The following VEGFC variants were observed in gnomAD, a reference collection of about 807,000 sequenced individuals.
VEGFC encodes vascular endothelial growth factor C.
VEGFC carries 12 observed loss-of-function variants against 46.1 expected under a neutral mutation model. The ratio of observed to expected loss-of-function variants is 0.26; its 90% confidence interval spans 0.17 to 0.42. The LOEUF is 0.42. Ranked by LOEUF, VEGFC falls within the 10% of genes least tolerant of loss-of-function variation. The pLI is 1.00. For synonymous variants in VEGFC, 232 were observed against 195.5 expected (o/e 1.19, Z -1.56); for missense variants, 488 against 529.4 (o/e 0.92, Z 0.77).
chr4:176,683,846 C>A lies in VEGFC; in HGVS notation c.*80G>T. ...TTTGTTAGCATGGACCCACAAGGGT[C>A]TCTCTGTTCACAGACAGTTCTACTG... On this transcript the variant is annotated 3_prime_UTR_variant, in exon 7 of 7. Coordinates refer to ENST00000618562, the MANE Select transcript of VEGFC (RefSeq NM_005429.5). The A allele has an allele frequency of 8.6e-7, 1 of 1,160,572 alleles. No individual in the cohort carries two copies. The highest frequency in any genetic ancestry group is 2.4e-5 in the East Asian group (1 of 42,500). The allele number at this position is 1,160,572 out of a possible 1,614,324, so 71.9% of individuals were successfully genotyped here.
intron 1 of VEGFC, among the ~76,000 whole-genome samples, chr4:176,752,430 C>G (rs1436377615): frequency 6.6e-6 from 1 of 152,032 alleles, no homozygotes; most frequent in East Asian, 1.9e-4. Context: ...ACTTTTGACT[C>G]CAAACGTTCT....
In VEGFC at chr4:176,683,885, T is replaced by A; in HGVS notation, c.*41A>T. On this transcript the variant is annotated 3_prime_UTR_variant, in exon 7 of 7. Coordinates refer to ENST00000618562, the MANE Select transcript of VEGFC (RefSeq NM_005429.5). The stretch of plus-strand genomic sequence containing the variant: ...ACAGTTCTACTGTGGCAACACAGTT[T>A]TCCATAATAGAAAATCGATGAACTG... 1.3e-6 allele frequency: 2 copies of A among 1,544,862 alleles called. No homozygotes were observed. Among genetic ancestry groups the A allele is most frequent in the Non-Finnish European group, 1.8e-6 (2 of 1,116,876 alleles).
chr4:176,686,147 T>A (rs1734038169), intron 6 of VEGFC, among the ~76,000 whole-genome samples: 1 of 152,152 alleles, frequency 6.6e-6, no homozygotes, highest in African/African-American at 2.4e-5. Flanking sequence ...AAGTACAATG[T>A]CATGTCATAG....
At chr4:176,698,622 A>G (rs1252848083) in intron 4 of VEGFC, among the ~76,000 whole-genome samples, 1 of 152,070 alleles carries the variant, frequency 6.6e-6, no homozygotes, top group Non-Finnish European at 1.5e-5. Flanking sequence ...TGAGAATACT[A>G]TTGAGTAGAG....
chr4:176,689,386 A>G (rs1734107029), intron 4 of VEGFC: 1 of 152,202 alleles, frequency 6.6e-6, no homozygotes, highest in African/African-American at 2.4e-5. Context: ...AAAAACAAGC[A>G]AATCTGCATT....
At chr4:176,766,118 GA>G (rs1362805149) in intron 1 of VEGFC, among the ~76,000 whole-genome samples, 1 of 151,934 alleles carries the variant, frequency 6.6e-6, no homozygotes. Context: ...TACACAAAAA[GA>G]AAAACTTAAA....
At chr4:176,746,792 A>G (rs998389281) in intron 1 of VEGFC, among the ~76,000 whole-genome samples, 1 of 152,102 alleles carries the variant, frequency 6.6e-6, no homozygotes, top group East Asian at 1.9e-4. Flanking sequence ...AACCCCTACT[A>G]AAATTCCAAG....
intron 3 of VEGFC, among the ~76,000 whole-genome samples, chr4:176,717,355 A>T (rs1203051371): frequency 6.6e-6 from 1 of 152,164 alleles, no homozygotes; most frequent in Non-Finnish European, 1.5e-5. Context: ...TTTCCAACTG[A>T]GAGGTTCCCA....
chr4:176,690,032 TGATCTTAAGCAAGA>T (rs1331021000), intron 4 of VEGFC, among the ~76,000 whole-genome samples: 1 of 152,184 alleles, frequency 6.6e-6, no homozygotes, highest in Non-Finnish European at 1.5e-5. Flanking sequence ...AATAGATTAC[TGATCTTAAGCAAGA>T]GATTCCTGCA....
intron 3 of VEGFC, among the ~76,000 whole-genome samples, chr4:176,722,030 AT>A (rs1734795185): frequency 6.6e-6 from 1 of 152,184 alleles, no homozygotes; most frequent in African/African-American, 2.4e-5. Flanking sequence ...AAATGACAAA[AT>A]AAAAACTAAT....
intron 1 of VEGFC, among the ~76,000 whole-genome samples, chr4:176,757,455 G>A (rs1368520077): frequency 6.6e-6 from 1 of 151,948 alleles, no homozygotes; most frequent in Non-Finnish European, 1.5e-5. Context: ...ACTATAATGG[G>A]TAATTTGATC....
chr4:176,711,365 T>C, intron 4 of VEGFC, 134 bp downstream of exon 4: 2 of 1,031,574 alleles, frequency 1.9e-6, no homozygotes, highest in South Asian at 2.7e-5. Flanking sequence ...TACAAAATTT[T>C]GTCTTTGTTT....
intron 1 of VEGFC, among the ~76,000 whole-genome samples, chr4:176,771,121 G>A (rs1321110598): frequency 1.3e-5 from 2 of 152,076 alleles, no homozygotes; most frequent in Non-Finnish European, 2.9e-5. Flanking sequence ...TGCTAGTACA[G>A]CTTTTCTAAA....
At chr4:176,728,459 C>G (rs192640727) in intron 2 of VEGFC, among the ~76,000 whole-genome samples, 1 of 152,220 alleles carries the variant, frequency 6.6e-6, no homozygotes, top group East Asian at 1.9e-4. Context: ...CCTTTTCAGG[C>G]GGACTATTTG....
chr4:176,733,671 T>A (rs572493920), intron 1 of VEGFC, among the ~76,000 whole-genome samples: 5 of 151,788 alleles, frequency 3.3e-5, no homozygotes, highest in African/African-American at 9.7e-5. Flanking sequence ...GTATCTTGAC[T>A]GTGGGGATGG....
At chr4:176,790,814 G>A (rs1004759754) in intron 1 of VEGFC, among the ~76,000 whole-genome samples, 1 of 152,144 alleles carries the variant, frequency 6.6e-6, no homozygotes, top group Non-Finnish European at 1.5e-5. Context: ...TTACATTTCT[G>A]CGGTATTTAA....
At chr4:176,774,829 CA>C (rs574057492) in intron 1 of VEGFC, among the ~76,000 whole-genome samples, 13,652 of 130,002 alleles carry the variant, frequency 0.11, 1,351 homozygotes, top group African/African-American at 0.27. Context: ...AAAAAGAATG[CA>C]AAAAAAAAAA....
intron 1 of VEGFC, among the ~76,000 whole-genome samples, chr4:176,763,508 C>T (rs945020803): frequency 2.0e-5 from 3 of 152,058 alleles, no homozygotes; most frequent in Non-Finnish European, 4.4e-5. Flanking sequence ...ATAAGGAATA[C>T]ATATACATAA....
intron 4 of VEGFC, among the ~76,000 whole-genome samples, chr4:176,690,315 C>T (rs1734131084): frequency 6.8e-6 from 1 of 146,908 alleles, no homozygotes; most frequent in African/African-American, 2.6e-5. Context: ...AGTTCTGTAT[C>T]ATCAGCAAGT....
Sources: allele counts gnomAD v4.1 joint callset (sites outside exome capture counted in the v4.1 genomes callset), GRCh38; gene constraint gnomAD v4.1.1; transcripts MANE v1.5; gene names NCBI Gene and HGNC (gene_info 2026-07-23, HGNC 2026-07-21).